Variants in PFKFB4 observed in about 807,000 individuals in gnomAD.
PFKFB4 encodes the protein 6-phosphofructo-2-kinase/fructose-2,6-bisphosphatase 4.
Under a neutral mutation model 62.8 loss-of-function variants are expected in PFKFB4, and 42 were observed. The ratio of observed to expected loss-of-function variants is 0.67; its 90% CI spans 0.52 to 0.86. The LOEUF is 0.86. PFKFB4 is among the 40% of genes least tolerant of loss of function. PFKFB4 has a pLI of 0.00. For missense variants in PFKFB4, 475 were observed against 627.2 expected (o/e 0.76, Z 2.59); for synonymous variants, 204 against 240.7 (o/e 0.85, Z 1.41).
chr3:48,550,054 C>T, intron 2 of PFKFB4, 64 bp downstream of exon 2: 1 of 1,393,796 alleles, frequency 7.2e-7, no homozygotes, highest in Non-Finnish European at 1.0e-6. Context: ...AGAGAATAGG[C>T]CTTCTCTATT....
upstream of PFKFB4, chr3:48,561,603 C>G (rs1431505690): frequency 6.6e-6 from 1 of 152,662 alleles, no homozygotes; most frequent in Admixed American, 6.5e-5. The surrounding 1 kb of genome is among the most constrained non-coding windows in gnomAD (Gnocchi z 5.2). Flanking sequence ...TGTGTCGCGG[C>G]CTGGGTGCAC....
intron 9 of PFKFB4, among the ~76,000 whole-genome samples, chr3:48,532,405 G>A (rs968227002): frequency 2.6e-5 from 4 of 152,348 alleles, no homozygotes; most frequent in East Asian, 1.9e-4. Context: ...ATTGAATTGA[G>A]AGCAGGGTCT....
chr3:48,525,083 A>T (rs943206541), intron 10 of PFKFB4, among the ~76,000 whole-genome samples: 4 of 152,116 alleles, frequency 2.6e-5, no homozygotes, highest in African/African-American at 9.7e-5. Flanking sequence ...GAGTGAGCTG[A>T]GACCCGAGTC....
chr3:48,558,031 C>T (rs1243420604), upstream of PFKFB4, among the ~76,000 whole-genome samples: 1 of 152,062 alleles, frequency 6.6e-6, no homozygotes, highest in African/African-American at 2.4e-5. Flanking sequence ...GGGATGTGCA[C>T]ATTGTCTATC....
At chr3:48,523,680 C>T (rs1355515720) in intron 11 of PFKFB4, 21 bp downstream of exon 11, 2 of 1,614,014 alleles carry the variant, frequency 1.2e-6, no homozygotes, top group Non-Finnish European at 8.5e-7. Context: ...CTTCCCACCT[C>T]CCCCGGGGCA....
intron 3 of PFKFB4, among the ~76,000 whole-genome samples, chr3:48,545,155 A>G (rs964050134): frequency 3.3e-5 from 5 of 151,878 alleles, no homozygotes; most frequent in Non-Finnish European, 1.5e-5. Flanking sequence ...TTTTTGAGAC[A>G]GAGTCTCACT....
upstream of PFKFB4, chr3:48,557,102 G>GC (rs1553847460): frequency 1.8e-6 from 1 of 561,048 alleles, no homozygotes; most frequent in Non-Finnish European, 2.5e-6. Flanking sequence ...GTGCAGGCCC[G>GC]CCCCGGATGC....
At chr3:48,562,853 C>G, upstream of PFKFB4, 3 of 1,588,700 alleles carry the variant, frequency 1.9e-6, no homozygotes, top group South Asian at 1.1e-5. This position sits in a 1 kb window ranked among gnomAD's most constrained non-coding sequence, Gnocchi z 4.3. Context: ...AGCCCTGGCC[C>G]GGGCTTGCTC....
Position 48,556,595 on chromosome 3 carries a change from C to A in PFKFB4, c.97+86G>T. The A allele has an allele frequency of 6.9e-7, 1 of 1,448,332 alleles. No homozygotes were observed. Among genetic ancestry groups the A allele is most frequent in the Non-Finnish European group, 9.3e-7 (1 of 1,074,358 alleles). The allele number at this position is 1,448,332 out of a possible 1,614,324, so 89.7% of individuals were successfully genotyped here. On this transcript the variant is annotated intron_variant, in intron 1 of 13. Coordinates refer to ENST00000232375, the MANE Select transcript of PFKFB4 (RefSeq NM_004567.4). The surrounding 1 kb of genome is among the most constrained non-coding windows in gnomAD (Gnocchi z 5.7). Reference sequence around the variant, plus strand: ...CCGGTTCCCCATCTGTCTCCCGCCCCTTCTCCATGCGAGACCCCCGCCCAG... The same window carrying A: ...CCGGTTCCCCATCTGTCTCCCGCCCATTCTCCATGCGAGACCCCCGCCCAG...
Position 48,519,521 on chromosome 3 carries a change from G to A in PFKFB4, c.*226C>T. On this transcript the variant is annotated 3_prime_UTR_variant, in exon 14 of 14. Coordinates refer to ENST00000232375, the MANE Select transcript of PFKFB4 (RefSeq NM_004567.4). ...CGCGCAGCCCATGCAGATGCAGTCT[G>A]GTCAAGTGACTCTTAGCAGCAGGTC... The A allele has an allele frequency of 1.8e-6, 1 of 550,286 alleles. No homozygotes were observed. Among genetic ancestry groups the A allele is most frequent in the East Asian group, 2.9e-5 (1 of 34,252 alleles). 34.1% of individuals were successfully genotyped at this position (550,286 alleles called of 1,614,324 possible). A position where few individuals can be genotyped will look rare whatever the true frequency, so the allele number is the denominator to read the frequency against.
In PFKFB4 at chr3:48,538,601, G is replaced by A; in HGVS notation, c.529C>T (p.Pro177Ser). 1 of 1,614,176 alleles carries A rather than the reference G, an allele frequency of 6.2e-7. No homozygotes were observed. The highest frequency in any genetic ancestry group is 8.5e-7 in the Non-Finnish European group (1 of 1,180,028). Residue 177 changes from proline (P) to serine (S), a missense_variant, in exon 7 of 14, where the codon CCT becomes TCT. Pro to Ser is a moderately conservative substitution (Grantham distance 74). Transcript: ENST00000232375. ...TCACTGTCGCGGTTGACATAGTCAG[G>A]GCTGCCCAGTTTCACTTGCTGCCGG... is the stretch of plus-strand genomic sequence containing the variant. Reference protein sequence around the residue: ...ANIVQVKLGSPDYVNRDSDEA... With the variant: ...ANIVQVKLGSSDYVNRDSDEA...
chr3:48,550,920 G>A (rs959479291), intron 1 of PFKFB4, among the ~76,000 whole-genome samples: 5 of 152,242 alleles, frequency 3.3e-5, no homozygotes, highest in African/African-American at 1.2e-4. Context: ...CTGGCACAGC[G>A]CTGGTGCTCA....
At chr3:48,520,055 C>G (rs1210426157) in intron 13 of PFKFB4, among the ~76,000 whole-genome samples, 1 of 152,174 alleles carries the variant, frequency 6.6e-6, no homozygotes, top group Admixed American at 6.5e-5. Flanking sequence ...CCACTGCAGC[C>G]AGGTCAGGCA....
chr3:48,535,412 C>G, intron 9 of PFKFB4, 100 bp downstream of exon 9: 10 of 1,077,060 alleles, frequency 9.3e-6, no homozygotes, highest in Non-Finnish European at 1.4e-5. Context: ...TCTCTCTCCT[C>G]TCCTTTGCCC....
chr3:48,559,895 CCACCACACA>C, upstream of PFKFB4: 4 of 303,528 alleles, frequency 1.3e-5, no homozygotes, highest in South Asian at 5.0e-5. Flanking sequence ...CCAAACCATC[CCACCACACA>C]CACACACACA....
intron 10 of PFKFB4, among the ~76,000 whole-genome samples, chr3:48,524,875 C>A (rs1055905318): frequency 3.3e-5 from 5 of 152,276 alleles, no homozygotes; most frequent in Admixed American, 2.6e-4. Flanking sequence ...CAGTTTCTGA[C>A]CTGGGGCCTG....
chr3:48,535,428 G>T, intron 9 of PFKFB4, 84 bp downstream of exon 9: 2 of 1,229,734 alleles, frequency 1.6e-6, no homozygotes, highest in South Asian at 2.7e-5. Context: ...TGCCCAAGGG[G>T]AGCAATGGTC....
rs1391205339 is a variant in PFKFB4 at position 48,553,986 on chromosome 3, G to A, written c.97+2695C>T. On this transcript the variant is annotated intron_variant, in intron 1 of 13. Transcript: ENST00000232375. ...AGTTCCTCCAGGTCTGAGCTCGGAG[G>A]CCAATGATGGGAAAGGTAAAAGCCT... is the stretch of plus-strand genomic sequence containing the variant. Among the ~76,000 whole-genome samples, 5 of 152,276 alleles carry A rather than the reference G, an allele frequency of 3.3e-5. No homozygotes were observed. In the East Asian group the frequency reaches 7.7e-4, roughly 23 times the overall value.
Position 48,519,576 on chromosome 3 carries a change from G to A in PFKFB4, c.*171C>T. 1.7e-6 allele frequency: 1 copy of A among 605,740 alleles called. No individual in the cohort carries two copies. Among genetic ancestry groups the A allele is most frequent in the South Asian group, 2.0e-5 (1 of 50,532 alleles). 37.5% of individuals were successfully genotyped at this position (605,740 alleles called of 1,614,324 possible). A position where few individuals can be genotyped will look rare whatever the true frequency, so the allele number is the denominator to read the frequency against. On this transcript the variant is annotated 3_prime_UTR_variant, in exon 14 of 14. Coordinates refer to ENST00000232375, the MANE Select transcript of PFKFB4 (RefSeq NM_004567.4). ...GCCACGCACAACCTTGTCGCCGACT[G>A]TCAACAAAGAGCCAGGTGGGCTGGG...
Sources: gnomAD v4.1 joint callset for allele counts (sites outside exome capture counted in the v4.1 genomes callset) on GRCh38, gnomAD v4.1.1 for gene constraint, Gnocchi (gnomAD v3.1) non-coding constraint, MANE v1.5 for transcripts, NCBI Gene and HGNC (gene_info 2026-07-23, HGNC 2026-07-21) for gene names.